Variants in PCDHGB4 observed in about 807,000 individuals in gnomAD.
PCDHGB4 encodes the protein protocadherin gamma-B4.
In PCDHGB4, 38 loss-of-function variants were observed where a neutral mutation model predicts 60.5. The observed-to-expected ratio is 0.63, with a 90% CI of 0.48 to 0.82. The LOEUF (loss-of-function observed/expected upper bound fraction) is 0.82. Among genes scored for constraint, PCDHGB4 ranks in the 40% least tolerant of loss-of-function variants. The pLI is 0.00. For missense variants in PCDHGB4, 1,109 were observed against 1,209.6 expected (o/e 0.92, Z 1.23); for synonymous variants, 456 against 509.7 (o/e 0.89, Z 1.42).
At chr5:141,441,173 C>G (rs2098230611) in intron 1 of PCDHGB4, 1 of 152,180 alleles carries the variant, frequency 6.6e-6, no homozygotes, top group South Asian at 2.1e-4. Context: ...ATTTTTACTT[C>G]TAATTCCACA....
chr5:141,408,329 A>G (rs2095085203), intron 1 of PCDHGB4: 1 of 1,613,698 alleles, frequency 6.2e-7, no homozygotes, highest in Admixed American at 1.7e-5. Context: ...GGAGCTGGCC[A>G]AGGGCTCGGT....
chr5:141,439,960 T>G (rs1297261423), intron 1 of PCDHGB4: 1 of 152,668 alleles, frequency 6.6e-6, no homozygotes, highest in African/African-American at 2.4e-5. Flanking sequence ...AGATCCGTTA[T>G]TCAGTCCTAG....
intron 1 of PCDHGB4, chr5:141,408,489 G>A: frequency 6.2e-7 from 1 of 1,614,076 alleles, no homozygotes; most frequent in Non-Finnish European, 8.5e-7. Flanking sequence ...GAGCAAATAT[G>A]CAAAGAGAGA....
chr5:141,446,692 G>T (rs543476108), intron 1 of PCDHGB4, among the ~76,000 whole-genome samples: 2 of 152,280 alleles, frequency 1.3e-5, no homozygotes, highest in African/African-American at 4.8e-5. Context: ...TGGCCAGGCT[G>T]GTCTCGAACT....
intron 1 of PCDHGB4, chr5:141,419,669 C>T: frequency 6.2e-7 from 1 of 1,612,840 alleles, no homozygotes; most frequent in Non-Finnish European, 8.5e-7. Context: ...CAATGCCTGG[C>T]TGTCCTACCA....
chr5:141,446,821 T>C lies in PCDHGB4; in HGVS notation c.2398-47986T>C, dbSNP rs183143971. ...CATTGTGATCATCTAGTCAGATGGG[T>C]AGATCCTTATAAGGCTGAGCATAAT... On this transcript the variant is annotated intron_variant, in intron 1 of 3. Coordinates refer to ENST00000519479, the MANE Select transcript of PCDHGB4 (RefSeq NM_003736.4). 1.6e-3 allele frequency among the ~76,000 whole-genome samples: 244 copies of C among 152,302 alleles called. 2 individuals carry two copies. The highest frequency in any genetic ancestry group is 5.4e-3 in the African/African-American group (223 of 41,572).
At chr5:141,419,543 G>T (rs573594140) in intron 1 of PCDHGB4, 1 of 1,612,106 alleles carries the variant, frequency 6.2e-7, no homozygotes, top group East Asian at 2.2e-5. Flanking sequence ...CGCACCGCGG[G>T]TGCTGTACCC....
chr5:141,439,226 G>A (rs1337835258), intron 1 of PCDHGB4, among the ~76,000 whole-genome samples: 1 of 151,442 alleles, frequency 6.6e-6, no homozygotes, highest in African/African-American at 2.4e-5. Flanking sequence ...AAAATTCTTA[G>A]AAGCTTCCTA....
At chr5:141,411,215 A>C (rs1202378654) in intron 1 of PCDHGB4, 1 of 152,270 alleles carries the variant, frequency 6.6e-6, no homozygotes, top group Non-Finnish European at 1.5e-5. Context: ...TAACCTATCT[A>C]TTCAAATTTG....
At chr5:141,391,211 A>C (rs2092317474) in intron 1 of PCDHGB4, 1 of 152,220 alleles carries the variant, frequency 6.6e-6, no homozygotes, top group African/African-American at 2.4e-5. Flanking sequence ...AATACCAAGG[A>C]ACATTATATG....
rs2099735960 is a variant in PCDHGB4 at position 141,491,997 on chromosome 5, G to A, written c.2398-2810G>A. On this transcript the variant is annotated intron_variant, in intron 1 of 3. Transcript: ENST00000519479. The surrounding 1 kb of genome is among the most constrained non-coding windows in gnomAD (Gnocchi z 6.9). ...CCTTCGAGCTTCCGGTGAATTTCGG[G>A]CGATTTCCGCGGGTGTCGGGGGTCC... The A allele has an allele frequency of 1.5e-6, 1 of 671,074 alleles. No homozygotes were observed. The allele number at this position is 671,074 out of a possible 1,614,324, so 41.6% of individuals were successfully genotyped here.
Position 141,399,399 on chromosome 5 carries a change from C to T in PCDHGB4, c.2397+9118C>T, listed in dbSNP as rs1282174658. 1.9e-6 allele frequency: 3 copies of T among 1,613,902 alleles called. No individual in the cohort carries two copies. The Admixed American group carries it at 5.0e-5, about 27-fold the overall frequency. The stretch of plus-strand genomic sequence containing the variant: ...TCACCATCACAGCCACAGACAGGGG[C>T]AAGCCGCCCCTCTCCTCCAGCATAA... On this transcript the variant is annotated intron_variant, in intron 1 of 3. Transcript: ENST00000519479.
chr5:141,394,528 C>A (rs1465272752), intron 1 of PCDHGB4: 1 of 1,614,214 alleles, frequency 6.2e-7, no homozygotes, highest in Non-Finnish European at 8.5e-7. Flanking sequence ...ACAGACGGTT[C>A]CACTGGCGTG....
intron 1 of PCDHGB4, chr5:141,478,484 C>T (rs376021397): frequency 6.2e-7 from 1 of 1,613,458 alleles, no homozygotes; most frequent in South Asian, 1.1e-5. Flanking sequence ...GAACACGCTG[C>T]GGAGCTGTGA....
intron 1 of PCDHGB4, chr5:141,408,651 C>T (rs373860648): frequency 6.2e-7 from 1 of 1,614,012 alleles, no homozygotes; most frequent in Non-Finnish European, 8.5e-7. Flanking sequence ...TCCGCTGGTA[C>T]ACGACTATCG....
rs1168799961 is a variant in PCDHGB4, at chr5:141,487,844, A to G, written c.2398-6963A>G. ...CGGGTCATGCCTATATCTGAGTAAG[A>G]AATGAAAGTAATTGGTGATCAAGAG... On this transcript the variant is annotated intron_variant, in intron 1 of 3. Coordinates refer to ENST00000519479, the MANE Select transcript of PCDHGB4 (RefSeq NM_003736.4). The surrounding 1 kb of genome is among the most constrained non-coding windows in gnomAD (Gnocchi z 5.0). 2 of 1,043,076 alleles carry G rather than the reference A, an allele frequency of 1.9e-6. No homozygotes were observed. Among genetic ancestry groups the G allele is most frequent in the Non-Finnish European group, 2.7e-6 (2 of 730,916 alleles). The allele number at this position is 1,043,076 out of a possible 1,614,324, so 64.6% of individuals were successfully genotyped here.
At position 141,486,706 on chromosome 5, in the gene PCDHGB4, C is replaced by G; in HGVS notation, c.2398-8101C>G. 6.2e-7 allele frequency: 1 copy of G among 1,614,154 alleles called. No homozygotes were observed. Among genetic ancestry groups the G allele is most frequent in the Non-Finnish European group, 8.5e-7 (1 of 1,180,024 alleles). ...CAGCTTCCTCTTTCATCTCTCTGAA[C>G]CCCCAGACAGGAGCTGTTCATGCTA... On this transcript the variant is annotated intron_variant, in intron 1 of 3. Coordinates refer to ENST00000519479, the MANE Select transcript of PCDHGB4 (RefSeq NM_003736.4). This position sits in a 1 kb window ranked among gnomAD's most constrained non-coding sequence, Gnocchi z 5.0.
In PCDHGB4 at chr5:141,505,435, G is replaced by A. The variant is rs1274195652; in HGVS notation, c.2499G>A (p.Gln833=). The change falls in exon 3 of 4, where the codon CAG becomes CAA. Residue 833 remains glutamine, a synonymous_variant. Transcript: ENST00000519479. ...GDDTGTWPNN[Q]FDTEMLQAMI... is the part of the protein sequence containing the mutation. ...ACACCGGCACCTGGCCCAACAACCA[G>A]TTTGACACAGAGATGCTGCAAGCCA... 1 of 1,614,096 alleles carries A rather than the reference G, an allele frequency of 6.2e-7. No homozygotes were observed. Among genetic ancestry groups the A allele is most frequent in the African/African-American group, 1.3e-5 (1 of 74,936 alleles).
At chr5:141,427,889 G>C in intron 1 of PCDHGB4, 1 of 1,566,516 alleles carries the variant, frequency 6.4e-7, no homozygotes, top group South Asian at 1.1e-5. Flanking sequence ...CCCACGACCA[G>C]GGCTCGCCCG....
Sources: gnomAD v4.1 joint callset for allele counts (sites outside exome capture counted in the v4.1 genomes callset) on GRCh38, gnomAD v4.1.1 for gene constraint, Gnocchi (gnomAD v3.1) non-coding constraint, MANE v1.5 for transcripts, NCBI Gene and HGNC (gene_info 2026-07-23, HGNC 2026-07-21) for gene names.